Variants in KLC1 observed in about 807,000 individuals in gnomAD.
The protein encoded by KLC1 is kinesin light chain 1.
In KLC1, 30 loss-of-function variants were observed where a neutral mutation model predicts 84.2. The ratio of observed to expected loss-of-function variants is 0.36; its 90% CI spans 0.27 to 0.48. KLC1 has a LOEUF of 0.48. KLC1 is among the 20% of genes least tolerant of loss of function. The probability of loss-of-function intolerance (pLI) is 0.99; values close to 1 mark genes in which losing one functional copy is unlikely to be tolerated. For synonymous variants in KLC1, 289 were observed against 293.3 expected (o/e 0.99, Z 0.15); for missense variants, 499 against 805.4 (o/e 0.62, Z 4.60).
intron 16 of KLC1, 22 bp downstream of exon 16, chr14:103,700,749 C>G (rs1337164872): frequency 6.5e-7 from 1 of 1,549,318 alleles, no homozygotes; most frequent in South Asian, 1.2e-5. Context: ...GGCCTGCAGC[C>G]CCAGGAAGCA....
At chr14:103,676,527 A>G (rs561546626) in intron 11 of KLC1, among the ~76,000 whole-genome samples, 10 of 152,154 alleles carry the variant, frequency 6.6e-5, no homozygotes, top group Non-Finnish European at 1.2e-4. Flanking sequence ...CGGCCTCCCA[A>G]AGTGCTGGGA....
intron 1 of KLC1, among the ~76,000 whole-genome samples, chr14:103,641,723 C>T (rs1241711836): frequency 2.0e-5 from 3 of 151,922 alleles, no homozygotes; most frequent in Non-Finnish European, 4.4e-5. Flanking sequence ...CCACCTCAGC[C>T]TCCCAGGCTC....
At chr14:103,649,069 G>T (rs959074389) in intron 1 of KLC1, among the ~76,000 whole-genome samples, 1 of 152,102 alleles carries the variant, frequency 6.6e-6, no homozygotes, top group Admixed American at 6.6e-5. Flanking sequence ...CCCGGGATGC[G>T]GAAGTTGCAG....
At chr14:103,658,984 A>C (rs1300017382) in intron 3 of KLC1, among the ~76,000 whole-genome samples, 1 of 110,468 alleles carries the variant, frequency 9.1e-6, no homozygotes, top group Non-Finnish European at 1.9e-5. Flanking sequence ...TTTTTTTTTT[A>C]CTTTTTTTTT....
chr14:103,699,482 A>G, intron 15 of KLC1: 1 of 1,612,362 alleles, frequency 6.2e-7, no homozygotes, highest in Non-Finnish European at 8.5e-7. Context: ...TTCACAGCGG[A>G]ATGGGGCTGC....
At chr14:103,662,077 A>G (rs1295555893) in intron 3 of KLC1, 39 bp from the exon 4 acceptor site, 2 of 1,370,058 alleles carry the variant, frequency 1.5e-6, no homozygotes, top group African/African-American at 2.9e-5. Context: ...TGTGTATAGC[A>G]CGTGTAAGAT....
At chr14:103,684,264 TAAC>T (rs1363822931) in intron 13 of KLC1, among the ~76,000 whole-genome samples, 3 of 152,234 alleles carry the variant, frequency 2.0e-5, no homozygotes, top group Non-Finnish European at 4.4e-5. Flanking sequence ...ATACAGATAA[TAAC>T]GATGACTGCA....
At position 103,670,166 on chromosome 14, in the gene KLC1, C is replaced by G; in HGVS notation, c.886-16C>G. 1 of 1,584,896 alleles carries G rather than the reference C, an allele frequency of 6.3e-7. No individual in the cohort carries two copies. The highest frequency in any genetic ancestry group is 8.6e-7 in the Non-Finnish European group (1 of 1,156,904). ...TTATCTTTTACCATTCTTAGTGGTT[C>G]TCTCTGTGTTGACAGGTGGCGGCGA... On this transcript the variant is annotated splice_polypyrimidine_tract_variant and intron_variant, in intron 6 of 16. Coordinates refer to ENST00000334553, the MANE Select transcript of KLC1 (RefSeq NM_001394837.1).
intron 1 of KLC1, among the ~76,000 whole-genome samples, chr14:103,649,273 AAG>A (rs1359896605): frequency 1.3e-5 from 2 of 152,148 alleles, no homozygotes; most frequent in Non-Finnish European, 2.9e-5. Context: ...CTCTAAAAGA[AAG>A]AGAAAAACAT....
chr14:103,673,242 C>A, intron 8 of KLC1, 55 bp downstream of exon 8: 1 of 1,571,592 alleles, frequency 6.4e-7, no homozygotes, highest in South Asian at 1.2e-5. Flanking sequence ...CGTCCCAAGT[C>A]CAAACACTTT....
chr14:103,669,648 T>C (rs1009630615), intron 6 of KLC1, 50 bp downstream of exon 6: 2 of 1,230,306 alleles, frequency 1.6e-6, no homozygotes, highest in Non-Finnish European at 2.4e-6. Flanking sequence ...TTTCCCCATA[T>C]ATTTCTTTTA....
chr14:103,688,137 T>C (rs1359851919), intron 14 of KLC1: 1 of 152,254 alleles, frequency 6.6e-6, no homozygotes, highest in Non-Finnish European at 1.5e-5. Flanking sequence ...ATCAGTTGTT[T>C]CGTTACTCTG....
intron 15 of KLC1, chr14:103,698,683 G>T: frequency 1.1e-6 from 1 of 937,502 alleles, no homozygotes; most frequent in Non-Finnish European, 1.7e-6. Context: ...CCCTGGAAGA[G>T]CTGTGTCTGA....
chr14:103,691,857 G>A (rs550222393), intron 14 of KLC1, among the ~76,000 whole-genome samples: 1 of 151,964 alleles, frequency 6.6e-6, no homozygotes, highest in East Asian at 2.0e-4. Flanking sequence ...CTGCAGCCTT[G>A]ACCACCTGGG....
At chr14:103,629,632 C>A (rs1055440060) in intron 1 of KLC1, 138 bp downstream of exon 1, 6 of 152,910 alleles carry the variant, frequency 3.9e-5, no homozygotes, top group African/African-American at 1.4e-4. Context: ...GTCCCGGCCC[C>A]TCTCCGTTCC....
chr14:103,686,328 A>G, intron 13 of KLC1: 5 of 536,152 alleles, frequency 9.3e-6, no homozygotes, highest in South Asian at 8.1e-5. Flanking sequence ...AGTTCATCTC[A>G]CCAAGGAGTT....
intron 1 of KLC1, among the ~76,000 whole-genome samples, chr14:103,640,692 A>G (rs2077420272): frequency 6.6e-6 from 1 of 151,678 alleles, no homozygotes. Flanking sequence ...TTGTATGTAT[A>G]CTTTTTTGGT....
At chr14:103,682,146 A>G (rs903579476) in intron 13 of KLC1, among the ~76,000 whole-genome samples, 3 of 152,128 alleles carry the variant, frequency 2.0e-5, no homozygotes, top group Admixed American at 2.0e-4. Flanking sequence ...TGAGGCGGGC[A>G]GATCACGAGG....
At chr14:103,691,668 C>T (rs1325228043) in intron 14 of KLC1, among the ~76,000 whole-genome samples, 3 of 151,878 alleles carry the variant, frequency 2.0e-5, no homozygotes, top group Admixed American at 1.3e-4. Flanking sequence ...GGGGTTTCAC[C>T]GTGTTGCTCA....
Sources: gnomAD v4.1 joint callset for allele counts (sites outside exome capture counted in the v4.1 genomes callset) on GRCh38, gnomAD v4.1.1 for gene constraint, MANE v1.5 for transcripts, NCBI Gene and HGNC (gene_info 2026-07-23, HGNC 2026-07-21) for gene names.